SPMIP5: variants seen among roughly 807,000 people sequenced by gnomAD.
SPMIP5 encodes sperm microtubule inner protein 5.
At chr10:116,663,476 A>T in the SPMIP5 span, among the ~76,000 whole-genome samples, 971 of 151,930 alleles carry the variant, frequency 6.4e-3, 8 homozygotes, top group African/African-American at 0.022. Context: ...TGCCAACTGG[A>T]CCCTCCTGGG....
At chr10:116,668,095 G>A in the SPMIP5 span, among the ~76,000 whole-genome samples, 46 of 152,344 alleles carry the variant, frequency 3.0e-4, no homozygotes, top group African/African-American at 1.1e-3. Flanking sequence ...CCGGCCATCA[G>A]CCATCTTCAG....
chr10:116,663,019 A>C, the SPMIP5 span, among the ~76,000 whole-genome samples: 43 of 152,020 alleles, frequency 2.8e-4, no homozygotes, highest in Non-Finnish European at 4.4e-5. Flanking sequence ...CATCTCTACT[A>C]AAAATACAAA....
chr10:116,664,155 A>C, the SPMIP5 span: 1 of 1,614,128 alleles, frequency 6.2e-7, no homozygotes, highest in East Asian at 2.2e-5. Context: ...GTAGGAAGGA[A>C]AGAGACATTT....
the SPMIP5 span, chr10:116,665,571 C>A: frequency 6.3e-7 from 1 of 1,583,516 alleles, no homozygotes; most frequent in South Asian, 1.1e-5. Flanking sequence ...GCAGGGGTGA[C>A]CAGGGGTGAG....
chr10:116,664,067 T>C, the SPMIP5 span: 13 of 1,607,972 alleles, frequency 8.1e-6, no homozygotes, highest in African/African-American at 1.7e-4. Context: ...AGAGGAACCG[T>C]CCGTGTGAGT....
At chr10:116,665,387 A>C in the SPMIP5 span, 1 of 469,038 alleles carries the variant, frequency 2.1e-6, no homozygotes, top group Non-Finnish European at 3.7e-6. Context: ...CCTAGGCAAC[A>C]GAGTGAGACT....
chr10:116,662,781 T>C, the SPMIP5 span, among the ~76,000 whole-genome samples: 52 of 152,316 alleles, frequency 3.4e-4, no homozygotes, highest in African/African-American at 1.2e-3. Flanking sequence ...CCCCGTACTT[T>C]ATGTGACTTA....
the SPMIP5 span, chr10:116,663,987 G>C: frequency 6.5e-7 from 1 of 1,542,958 alleles, no homozygotes; most frequent in Non-Finnish European, 8.7e-7. Flanking sequence ...TCTGAGCACA[G>C]CCACATGTCA....
At chr10:116,668,770 G>A in the SPMIP5 span, among the ~76,000 whole-genome samples, 1 of 151,906 alleles carries the variant, frequency 6.6e-6, no homozygotes, top group African/African-American at 2.4e-5. Flanking sequence ...TCTTGATCCA[G>A]GTGAAATCAG....
the SPMIP5 span, chr10:116,664,705 G>A: frequency 0.046 from 72,969 of 1,586,870 alleles, 1,905 homozygotes; most frequent in Non-Finnish European, 0.052. Flanking sequence ...CCCATCCTGG[G>A]TTTGCACTTC....
the SPMIP5 span, among the ~76,000 whole-genome samples, chr10:116,666,207 T>C: frequency 6.6e-6 from 1 of 152,212 alleles, no homozygotes; most frequent in Non-Finnish European, 1.5e-5. Flanking sequence ...CTTATTTTCC[T>C]CGACACTTCC....
the SPMIP5 span, among the ~76,000 whole-genome samples, chr10:116,668,495 C>T: frequency 6.6e-6 from 1 of 152,284 alleles, no homozygotes; most frequent in East Asian, 1.9e-4. Flanking sequence ...TGGCTTCAGT[C>T]ACAAACCAAT....
chr10:116,668,265 G>C, the SPMIP5 span: 2 of 1,613,834 alleles, frequency 1.2e-6, no homozygotes, highest in South Asian at 2.2e-5. Flanking sequence ...TACCGCTATA[G>C]CCTGGTGTGA....
At chr10:116,662,462 A>C in the SPMIP5 span, among the ~76,000 whole-genome samples, 3 of 152,176 alleles carry the variant, frequency 2.0e-5, no homozygotes, top group Admixed American at 2.0e-4. Flanking sequence ...TAGTGAAAAC[A>C]ATGATGTAAC....
At chr10:116,663,617 G>T in the SPMIP5 span, 1 of 314,076 alleles carries the variant, frequency 3.2e-6, no homozygotes, top group Non-Finnish European at 5.9e-6. Flanking sequence ...TGGCCTGGCT[G>T]CAGTGTTACC....
chr10:116,663,717 T>C, the SPMIP5 span: 1 of 614,230 alleles, frequency 1.6e-6, no homozygotes, highest in East Asian at 3.0e-5. Context: ...AGCCTCTTTA[T>C]TCCCACATGA....
the SPMIP5 span, chr10:116,665,485 G>T: frequency 1.4e-6 from 1 of 705,104 alleles, no homozygotes; most frequent in Non-Finnish European, 2.3e-6. Flanking sequence ...CTTTGCATTT[G>T]GTGCTGACCC....
chr10:116,663,318 G>A, the SPMIP5 span, among the ~76,000 whole-genome samples: 7 of 152,272 alleles, frequency 4.6e-5, no homozygotes, highest in Admixed American at 1.3e-4. Context: ...GATTCCCCAC[G>A]GGTTTCAGAG....
At chr10:116,664,915 G>A in the SPMIP5 span, 142 of 1,613,684 alleles carry the variant, frequency 8.8e-5, no homozygotes, top group Non-Finnish European at 1.2e-4. Flanking sequence ...GGGATCGGGG[G>A]CTCCTGGAGA....
Sources: allele counts gnomAD v4.1 joint callset (sites outside exome capture counted in the v4.1 genomes callset), GRCh38; gene constraint gnomAD v4.1.1; transcripts MANE v1.5; gene names NCBI Gene and HGNC (gene_info 2026-07-23, HGNC 2026-07-21).